The following TTC12 variants were observed in gnomAD, a reference collection of about 807,000 sequenced individuals.
TTC12 encodes tetratricopeptide repeat domain 12.
TTC12 carries 70 observed loss-of-function variants against 90.1 expected under a neutral mutation model. That is an observed-to-expected ratio of 0.78 (90% CI 0.64 to 0.95). The LOEUF (loss-of-function observed/expected upper bound fraction) is 0.95. Among genes scored for constraint, TTC12 ranks in the 40% least tolerant of loss-of-function variants. TTC12 has a pLI of 0.00. For missense variants in TTC12, 819 were observed against 846.1 expected, an observed-to-expected ratio of 0.97 and a Z score of 0.40; for synonymous variants, 296 against 311.5, an observed-to-expected ratio of 0.95 and a Z score of 0.53.
In TTC12 at chr11:113,323,597, AT is replaced by A. The variant is rs142060645; in HGVS notation, c.222+156del. On this transcript the variant is annotated intron_variant, in intron 3 of 21. Coordinates refer to ENST00000529221, the MANE Select transcript of TTC12 (RefSeq NM_017868.4). ...TTTTTATAAGAAAGTATAAAATTTG[AT>A]TTTTTTTTTCCTTTGATCTTTCTGG... is the stretch of plus-strand genomic sequence containing the variant. 79,291 of 514,116 alleles carry A rather than the reference AT, an allele frequency of 0.15. 6,850 individuals are homozygous for A. The highest frequency in any genetic ancestry group is 0.21 in the South Asian group (3,534 of 17,010). 31.8% of individuals were successfully genotyped at this position (514,116 alleles called of 1,614,324 possible). A position where few individuals can be genotyped will look rare whatever the true frequency, so the allele number is the denominator to read the frequency against.
At chr11:113,360,969 G>T (rs4370966) in intron 18 of TTC12, among the ~76,000 whole-genome samples, 1 of 151,998 alleles carries the variant, frequency 6.6e-6, no homozygotes, top group Non-Finnish European at 1.5e-5. Flanking sequence ...CACCGTTTCC[G>T]GATGGTCCAG....
intron 12 of TTC12, 92 bp from the exon 13 acceptor site, chr11:113,344,180 C>A (rs561097316): frequency 1.6e-5 from 21 of 1,338,340 alleles, no homozygotes; most frequent in Non-Finnish European, 2.2e-5. Flanking sequence ...TGAGTGGGCA[C>A]CAGTTGAGTT....
In TTC12 at chr11:113,344,382, C is replaced by T; in HGVS notation, c.1096C>T (p.His366Tyr). The T allele has an allele frequency of 1.2e-6, 2 of 1,614,194 alleles. No homozygotes were observed. The highest frequency in any genetic ancestry group is 1.7e-6 in the Non-Finnish European group (2 of 1,180,024). ...IRQQSFALLL[H>Y]LAQTESGRSL... Reference sequence around the variant, plus strand: ...GCAGCAGAGCTTTGCCCTGCTGCTGCATCTCGCCCAGACTGAGAGCGGACG... The same window carrying T: ...GCAGCAGAGCTTTGCCCTGCTGCTGTATCTCGCCCAGACTGAGAGCGGACG... Residue 366 changes from histidine to tyrosine, a missense_variant, in exon 13 of 22, where the codon CAT (histidine) becomes TAT (tyrosine). By Grantham distance (83) the His-to-Tyr change is moderately conservative. Coordinates refer to ENST00000529221, the MANE Select transcript of TTC12 (RefSeq NM_017868.4).
chr11:113,365,016 G>T lies in TTC12; in HGVS notation c.1998G>T (p.Val666=). The T allele has an allele frequency of 6.2e-7, 1 of 1,614,156 alleles. No homozygotes were observed. The highest frequency in any genetic ancestry group is 8.5e-7 in the Non-Finnish European group (1 of 1,180,038). ...GSDTQKTAVQ[V]NAGIALGKLC... The stretch of plus-strand genomic sequence containing the variant: ...ACACACAGAAGACGGCCGTGCAGGT[G>T]AACGCAGGCATTGCTCTGGGGAAGC... The change falls in exon 21 of 22, where the codon GTG becomes GTT. Residue 666 remains valine (V), a synonymous_variant. Transcript: ENST00000529221.
chr11:113,325,405 C>A, intron 5 of TTC12, 119 bp from the exon 6 acceptor site: 1 of 1,194,920 alleles, frequency 8.4e-7, no homozygotes, highest in East Asian at 2.5e-5. Context: ...GTGTCAAGTC[C>A]CTTTAGGATC....
chr11:113,361,924 C>A (rs1949953356), intron 18 of TTC12, among the ~76,000 whole-genome samples: 1 of 148,072 alleles, frequency 6.8e-6, no homozygotes, highest in African/African-American at 2.5e-5. Context: ...ATAGTTATAT[C>A]CATAAAAGAG....
intron 18 of TTC12, 68 bp from the exon 19 acceptor site, chr11:113,362,333 G>T (rs536498241): frequency 3.2e-6 from 4 of 1,231,410 alleles, no homozygotes; most frequent in Non-Finnish European, 3.6e-6. Context: ...CAAACTCCCC[G>T]TTAGCTTTTA....
At chr11:113,352,389 G>C (rs554592516) in intron 16 of TTC12, among the ~76,000 whole-genome samples, 182 bp downstream of exon 16, 1 of 151,994 alleles carries the variant, frequency 6.6e-6, no homozygotes, top group Admixed American at 6.5e-5. Flanking sequence ...TGCAGATCAA[G>C]TCTCATTTGC....
chr11:113,327,200 A>G (rs1262574891), intron 6 of TTC12, among the ~76,000 whole-genome samples: 1 of 152,248 alleles, frequency 6.6e-6, no homozygotes, highest in African/African-American at 2.4e-5. Context: ...CACTTTGATT[A>G]GTTCTGAAGA....
chr11:113,342,142 G>A (rs560487292), intron 12 of TTC12, among the ~76,000 whole-genome samples: 1 of 152,332 alleles, frequency 6.6e-6, no homozygotes, highest in East Asian at 1.9e-4. Flanking sequence ...AGCATAATGA[G>A]TGGTCTCCTC....
At chr11:113,319,000 G>A (rs1947123956) in intron 2 of TTC12, among the ~76,000 whole-genome samples, 1 of 152,082 alleles carries the variant, frequency 6.6e-6, no homozygotes, top group African/African-American at 2.4e-5. Flanking sequence ...CCTTAAATGT[G>A]AGATACATTT....
downstream of TTC12, chr11:113,368,471 G>T: frequency 6.4e-7 from 1 of 1,550,484 alleles, no homozygotes; most frequent in Non-Finnish European, 8.7e-7. Context: ...CAGGTAATCA[G>T]AGTCTTCTGG....
chr11:113,317,373 G>A (rs1947006240), intron 2 of TTC12, among the ~76,000 whole-genome samples: 1 of 151,672 alleles, frequency 6.6e-6, no homozygotes, highest in Non-Finnish European at 1.5e-5. Flanking sequence ...CTCAGTTGGT[G>A]ACACCACCAT....
intron 2 of TTC12, among the ~76,000 whole-genome samples, chr11:113,322,903 G>A (rs1947428973): frequency 6.6e-6 from 1 of 152,176 alleles, no homozygotes; most frequent in East Asian, 1.9e-4. Flanking sequence ...TGAGCTGCCT[G>A]TACTTACATG....
At chr11:113,361,023 A>G (rs749242298) in intron 18 of TTC12, among the ~76,000 whole-genome samples, 3 of 152,160 alleles carry the variant, frequency 2.0e-5, no homozygotes, top group Non-Finnish European at 2.9e-5. Context: ...AACCTTTAGG[A>G]GAGCTCTTGG....
At chr11:113,340,835 T>C (rs1332227550) in intron 11 of TTC12, 102 bp downstream of exon 11, 6 of 988,372 alleles carry the variant, frequency 6.1e-6, no homozygotes, top group Non-Finnish European at 8.0e-6. Flanking sequence ...TTTCTGAACA[T>C]TACCCCCCTT....
intron 2 of TTC12, among the ~76,000 whole-genome samples, chr11:113,316,568 C>T (rs533091446): frequency 1.3e-5 from 2 of 152,304 alleles, no homozygotes; most frequent in African/African-American, 2.4e-5. Flanking sequence ...TATTTTGTAT[C>T]CTTCTATGTG....
intron 2 of TTC12, among the ~76,000 whole-genome samples, chr11:113,317,918 C>T (rs1555136456): frequency 1.3e-5 from 2 of 152,090 alleles, no homozygotes; most frequent in Non-Finnish European, 2.9e-5. Flanking sequence ...CCTCACTGTC[C>T]ACTATGGTAG....
chr11:113,336,571 A>G (rs1199651225), intron 8 of TTC12, among the ~76,000 whole-genome samples: 2 of 152,162 alleles, frequency 1.3e-5, no homozygotes, highest in Non-Finnish European at 2.9e-5. Flanking sequence ...GATGTGAGGT[A>G]AGGGTTCAAC....
Sources: allele counts gnomAD v4.1 joint callset (sites outside exome capture counted in the v4.1 genomes callset), GRCh38; gene constraint gnomAD v4.1.1; transcripts MANE v1.5; gene names NCBI Gene and HGNC (gene_info 2026-07-23, HGNC 2026-07-21).